RBFOX3: variants seen among roughly 807,000 people sequenced by gnomAD.
RBFOX3 encodes RNA binding protein fox-1 homolog 3.
A neutral mutation model predicts 48.7 loss-of-function variants in RBFOX3; 17 were observed. The observed-to-expected ratio is 0.35, with a 90% CI of 0.24 to 0.52. The LOEUF (loss-of-function observed/expected upper bound fraction) is 0.52, where lower values mean the gene tolerates loss of function less well. Among genes scored for constraint, RBFOX3 ranks in the 20% least tolerant of loss-of-function variants. The probability of loss-of-function intolerance (pLI) is 0.94; values close to 1 mark genes in which losing one functional copy is unlikely to be tolerated. For synonymous variants in RBFOX3, 212 were observed against 209.5 expected, an observed-to-expected ratio of 1.01 and a Z score of -0.10; for missense variants, 382 against 497.5, an observed-to-expected ratio of 0.77 and a Z score of 2.21.
At chr17:79,613,718 A>G (rs2093983493), upstream of RBFOX3, among the ~76,000 whole-genome samples, 3 of 152,178 alleles carry the variant, frequency 2.0e-5, no homozygotes, top group South Asian at 6.2e-4. Flanking sequence ...TCAAGCCTGT[A>G]ATCCCAGCAC....
At chr17:79,209,041 G>A (rs8066445) in intron 4 of RBFOX3, among the ~76,000 whole-genome samples, 3,019 of 151,804 alleles carry the variant, frequency 0.02, 51 homozygotes, top group African/African-American at 0.042. Flanking sequence ...GGATGGTCTC[G>A]ATCTCCTGAC....
chr17:79,584,784 G>C (rs1034472451), intron 1 of RBFOX3, among the ~76,000 whole-genome samples: 1 of 144,508 alleles, frequency 6.9e-6, no homozygotes, highest in Non-Finnish European at 1.5e-5. Flanking sequence ...TTTTTTTTTT[G>C]AGACTGAGTC....
chr17:79,342,859 A>G (rs2067573463), intron 2 of RBFOX3, among the ~76,000 whole-genome samples: 2 of 152,236 alleles, frequency 1.3e-5, no homozygotes, highest in African/African-American at 2.4e-5. Context: ...GGCTTGTCAC[A>G]GTATTTCTCA....
At chr17:79,463,957 C>T (rs1399625683) in intron 2 of RBFOX3, among the ~76,000 whole-genome samples, 2 of 152,028 alleles carry the variant, frequency 1.3e-5, no homozygotes, top group Non-Finnish European at 1.5e-5. Flanking sequence ...ACTGCCACCT[C>T]CACCACCATC....
intron 2 of RBFOX3, among the ~76,000 whole-genome samples, chr17:79,444,734 C>T (rs887150155): frequency 2.2e-4 from 33 of 151,854 alleles, no homozygotes; most frequent in Admixed American, 1.6e-3. Context: ...TTCTCAACAG[C>T]GTGCAGTAGA....
intron 1 of RBFOX3, among the ~76,000 whole-genome samples, chr17:79,591,064 G>A (rs1199670182): frequency 3.9e-5 from 6 of 152,228 alleles, no homozygotes. Flanking sequence ...GGAGCAGGGA[G>A]CTGTCGCCGC....
At chr17:79,170,262 T>C (rs1460053502) in intron 4 of RBFOX3, among the ~76,000 whole-genome samples, 3 of 151,838 alleles carry the variant, frequency 2.0e-5, no homozygotes, top group Non-Finnish European at 4.4e-5. Flanking sequence ...AGGTTAACGG[T>C]GTCCAGCTTC....
chr17:79,407,129 TCCCAAGTAG>T (rs2148512796), intron 2 of RBFOX3, among the ~76,000 whole-genome samples: 1 of 152,330 alleles, frequency 6.6e-6, no homozygotes. Flanking sequence ...TACCTCAGCC[TCCCAAGTAG>T]CTGGGACTAC....
intron 2 of RBFOX3, among the ~76,000 whole-genome samples, chr17:79,352,793 A>G (rs918797112): frequency 1.1e-4 from 16 of 152,196 alleles, no homozygotes; most frequent in African/African-American, 3.6e-4. Context: ...CAGGTCACCT[A>G]GGGGACCACC....
the RBFOX3 span, among the ~76,000 whole-genome samples, chr17:79,657,794 A>G: frequency 6.6e-6 from 1 of 152,210 alleles, no homozygotes; most frequent in Non-Finnish European, 1.5e-5. Context: ...AGAGGTTACA[A>G]TGCAGGTCCC....
At chr17:79,251,805 C>A (rs1380298413) in intron 3 of RBFOX3, among the ~76,000 whole-genome samples, 2 of 152,206 alleles carry the variant, frequency 1.3e-5, no homozygotes, top group African/African-American at 4.8e-5. Context: ...GCTGAGGATG[C>A]CCACACCTGG....
intron 8 of RBFOX3, among the ~76,000 whole-genome samples, chr17:79,102,946 A>G (rs979320346): frequency 1.3e-5 from 2 of 152,248 alleles, no homozygotes; most frequent in African/African-American, 4.8e-5. Context: ...GAGGCAGGGG[A>G]GAGGGGACCT....
At chr17:79,306,416 T>C (rs1454181167) in intron 3 of RBFOX3, among the ~76,000 whole-genome samples, 1 of 152,228 alleles carries the variant, frequency 6.6e-6, no homozygotes, top group Non-Finnish European at 1.5e-5. Flanking sequence ...ATCAAAGGAA[T>C]CAGTGCAACG....
intron 4 of RBFOX3, among the ~76,000 whole-genome samples, chr17:79,120,694 ATGGG>A (rs1480780769): frequency 1.2e-4 from 6 of 49,150 alleles, no homozygotes; most frequent in African/African-American, 1.6e-4. Flanking sequence ...GGATGGATAG[ATGGG>A]TGGGTGGGTG....
chr17:79,292,595 C>A (rs1048363136), intron 3 of RBFOX3, among the ~76,000 whole-genome samples: 1 of 101,846 alleles, frequency 9.8e-6, no homozygotes, highest in Non-Finnish European at 1.9e-5. Context: ...CACACACACA[C>A]ACACGCACAC....
At chr17:79,130,072 C>G (rs1449824304) in intron 4 of RBFOX3, among the ~76,000 whole-genome samples, 2 of 152,298 alleles carry the variant, frequency 1.3e-5, no homozygotes, top group Non-Finnish European at 2.9e-5. Flanking sequence ...AGGCCTGGAG[C>G]AGGAATGCAC....
chr17:79,492,509 C>T (rs1052822169), intron 1 of RBFOX3, among the ~76,000 whole-genome samples: 2 of 152,250 alleles, frequency 1.3e-5, no homozygotes, highest in East Asian at 1.9e-4. Flanking sequence ...CCACAGCCAG[C>T]AGCCACGAGA....
At chr17:79,176,385 C>G (rs1377074769) in intron 4 of RBFOX3, among the ~76,000 whole-genome samples, 1 of 152,208 alleles carries the variant, frequency 6.6e-6, no homozygotes, top group Non-Finnish European at 1.5e-5. Context: ...GCCCCCAGCA[C>G]CCCCCAAGCA....
intron 2 of RBFOX3, among the ~76,000 whole-genome samples, chr17:79,346,339 T>G (rs2082922322): frequency 6.6e-6 from 1 of 152,228 alleles, no homozygotes; most frequent in African/African-American, 2.4e-5. Context: ...CACAATTTTT[T>G]TTTCCAGCTC....
Sources: gnomAD v4.1 joint callset for allele counts (sites outside exome capture counted in the v4.1 genomes callset) on GRCh38, gnomAD v4.1.1 for gene constraint, MANE v1.5 for transcripts, NCBI Gene and HGNC (gene_info 2026-07-23, HGNC 2026-07-21) for gene names.